Variants in GUSB observed in about 807,000 individuals in gnomAD.
GUSB encodes glucuronidase beta.
GUSB carries 51 observed loss-of-function variants against 74.6 expected under a neutral mutation model. The observed-to-expected ratio is 0.68, with a 90% CI of 0.55 to 0.86. GUSB has a LOEUF of 0.86. Ranked by LOEUF, GUSB falls within the 40% of genes least tolerant of loss-of-function variation. The pLI is 0.00. For synonymous variants in GUSB, 360 were observed against 348.3 expected (o/e 1.03, Z -0.37); for missense variants, 736 against 853.7 (o/e 0.86, Z 1.72).
intron 2 of GUSB, 110 bp downstream of exon 2, chr7:65,980,114 C>T (rs1021674783): frequency 7.0e-6 from 8 of 1,150,328 alleles, no homozygotes; most frequent in Admixed American, 2.0e-5. Context: ...CAGGGCAGGA[C>T]CCCCCACCAT....
intron 4 of GUSB, among the ~76,000 whole-genome samples, chr7:65,978,987 G>C (rs1484465860): frequency 1.3e-5 from 2 of 152,016 alleles, no homozygotes; most frequent in Non-Finnish European, 2.9e-5. Context: ...GGCTGCTCTT[G>C]AACTACTGGC....
intron 10 of GUSB, among the ~76,000 whole-genome samples, chr7:65,965,127 TG>T (rs1790751156): frequency 6.6e-6 from 1 of 151,896 alleles, no homozygotes; most frequent in African/African-American, 2.4e-5. Context: ...CAAACCAGGC[TG>T]GGCATGGTAC....
chr7:65,978,494 A>G (rs1220086616), intron 4 of GUSB, among the ~76,000 whole-genome samples: 1 of 151,838 alleles, frequency 6.6e-6, no homozygotes, highest in Non-Finnish European at 1.5e-5. Flanking sequence ...CCAGCTGGGC[A>G]CAGTGGCTCA....
At chr7:65,962,841 C>T (rs1320783242) in intron 11 of GUSB, among the ~76,000 whole-genome samples, 1 of 151,408 alleles carries the variant, frequency 6.6e-6, no homozygotes, top group African/African-American at 2.4e-5. Context: ...CACTGCACTC[C>T]AGCCTGGGAA....
chr7:65,979,985 C>T (rs1791883980), intron 2 of GUSB, 74 bp from the exon 3 acceptor site: 2 of 1,235,988 alleles, frequency 1.6e-6, no homozygotes, highest in Non-Finnish European at 2.3e-6. Context: ...CGGGCACTCC[C>T]TCACATAACC....
chr7:65,980,185 G>GGGGGGGGGCCC, intron 2 of GUSB, 39 bp downstream of exon 2: 4 of 725,274 alleles, frequency 5.5e-6, no homozygotes, highest in Non-Finnish European at 9.7e-6. Context: ...CAGCAGCCGT[G>GGGGGGGGGCCC]CCCCCCCACC....
intron 2 of GUSB, 40 bp downstream of exon 2, chr7:65,980,184 T>TCCCCCCCCCCCCCCC: frequency 1.5e-5 from 11 of 720,094 alleles, no homozygotes; most frequent in South Asian, 7.8e-5. Flanking sequence ...TCAGCAGCCG[T>TCCCCCCCCCCCCCCC]GCCCCCCCAC....
intron 6 of GUSB, 28 bp from the exon 7 acceptor site, chr7:65,974,732 CT>C: frequency 6.2e-7 from 1 of 1,610,864 alleles, no homozygotes; most frequent in Non-Finnish European, 8.5e-7. Context: ...CAAGTGACCC[CT>C]GTCCCTGTCG....
intron 1 of GUSB, 187 bp downstream of exon 1, chr7:65,981,787 C>T: frequency 1.7e-6 from 1 of 573,634 alleles, no homozygotes; most frequent in Non-Finnish European, 3.1e-6. Context: ...GCCTAATCCG[C>T]CCCGGCCCTC....
At chr7:65,971,171 TGGGAGGGA>T (rs2115911983) in intron 8 of GUSB, among the ~76,000 whole-genome samples, 1 of 152,186 alleles carries the variant, frequency 6.6e-6, no homozygotes, top group South Asian at 2.1e-4. Context: ...GATGCAGATT[TGGGAGGGA>T]TATTTATTAA....
intron 5 of GUSB, chr7:65,975,516 C>T (rs1160119459): frequency 3.9e-6 from 1 of 255,320 alleles, no homozygotes; most frequent in Non-Finnish European, 7.7e-6. Context: ...TCCCGAGTGG[C>T]TGGAATTACA....
At chr7:65,965,092 A>ATATAT (rs548280038) in intron 10 of GUSB, among the ~76,000 whole-genome samples, 385 of 150,544 alleles carry the variant, frequency 2.6e-3, no homozygotes, top group South Asian at 8.2e-3. Context: ...TATATATATA[A>ATATAT]AAATTAAATT....
At position 65,960,861 on chromosome 7, in the gene GUSB, G is replaced by A. The variant is rs909063611; in HGVS notation, c.*36C>T. On this transcript the variant is annotated 3_prime_UTR_variant, in exon 12 of 12. Transcript: ENST00000304895. Reference sequence around the variant, plus strand: ...GCTGCTGTGGAAGTCGCCCTGACTCGGGGAGGAAGGGACACGCAGGTGGTA... The same window carrying A: ...GCTGCTGTGGAAGTCGCCCTGACTCAGGGAGGAAGGGACACGCAGGTGGTA... The A allele has an allele frequency of 6.9e-6, 11 of 1,585,448 alleles. No homozygotes were observed. Among genetic ancestry groups the A allele is most frequent in the Non-Finnish European group, 7.8e-6 (9 of 1,154,252 alleles).
intron 10 of GUSB, among the ~76,000 whole-genome samples, chr7:65,967,006 A>G (rs187535459): frequency 6.6e-6 from 1 of 152,338 alleles, no homozygotes; most frequent in African/African-American, 2.4e-5. Flanking sequence ...CTCAAGCAAG[A>G]GCAGGAGAGC....
chr7:65,970,568 A>G (rs953404672), intron 8 of GUSB, among the ~76,000 whole-genome samples: 3 of 151,984 alleles, frequency 2.0e-5, no homozygotes, highest in African/African-American at 7.3e-5. Context: ...CCTGGCCAAC[A>G]TGGTGAAACC....
At chr7:65,972,446 G>C (rs1165333282) in intron 8 of GUSB, among the ~76,000 whole-genome samples, 5 of 152,180 alleles carry the variant, frequency 3.3e-5, no homozygotes, top group Non-Finnish European at 7.4e-5. Context: ...TTACAGGCGT[G>C]AGCCACCGCA....
chr7:65,970,818 G>A (rs181678761), intron 8 of GUSB, among the ~76,000 whole-genome samples: 24 of 152,102 alleles, frequency 1.6e-4, no homozygotes, highest in East Asian at 1.5e-3. Flanking sequence ...GAACCCAGAA[G>A]GAGGAGTCTG....
intron 8 of GUSB, among the ~76,000 whole-genome samples, chr7:65,971,374 C>T (rs531065440): frequency 6.6e-6 from 1 of 152,270 alleles, no homozygotes; most frequent in South Asian, 2.1e-4. Context: ...GGAGTTTTAC[C>T]AGAGACCAGG....
rs542440629 is a variant in GUSB, at chr7:65,971,735, A to G, written c.1392-1369T>C. 1.4e-3 allele frequency among the ~76,000 whole-genome samples: 197 copies of G among 140,082 alleles called. 1 individual carries two copies. Among genetic ancestry groups the G allele is most frequent in the Middle Eastern group, 7.2e-3 (2 of 276 alleles). 91.9% of individuals were successfully genotyped at this position (140,082 alleles called of 152,430 possible). ...CAACAAGCAAGACTCCATCTTGCGGAAAAAAAAAAAAAAATTTAAACTTAG... is the reference window on the plus strand; with the variant it reads ...CAACAAGCAAGACTCCATCTTGCGGGAAAAAAAAAAAAAATTTAAACTTAG... On this transcript the variant is annotated intron_variant, in intron 8 of 11. Transcript: ENST00000304895.
Sources: gnomAD v4.1 joint callset for allele counts (sites outside exome capture counted in the v4.1 genomes callset) on GRCh38, gnomAD v4.1.1 for gene constraint, MANE v1.5 for transcripts, NCBI Gene and HGNC (gene_info 2026-07-23, HGNC 2026-07-21) for gene names.